Variants in EHD1 observed in about 807,000 individuals in gnomAD.
EHD1 encodes EH domain-containing protein 1.
Under a neutral mutation model 39.0 loss-of-function variants are expected in EHD1, and 19 were observed. The observed-to-expected ratio is 0.49, with a 90% CI of 0.34 to 0.72. The LOEUF (loss-of-function observed/expected upper bound fraction) is 0.72, where lower values mean the gene tolerates loss of function less well. Among genes scored for constraint, EHD1 ranks in the 30% least tolerant of loss-of-function variants. EHD1 has a pLI of 0.01. For synonymous variants in EHD1, 323 were observed against 331.2 expected (o/e 0.98, Z 0.27); for missense variants, 542 against 751.5 (o/e 0.72, Z 3.26).
chr11:64,855,765 C>A, intron 3 of EHD1: 1 of 450,924 alleles, frequency 2.2e-6, no homozygotes, highest in Non-Finnish European at 4.0e-6. Context: ...TTGCACGGAT[C>A]ATTGTGATGA....
At chr11:64,855,572 C>G (rs1260626582) in intron 3 of EHD1, 86 bp from the exon 4 acceptor site, 3 of 1,575,836 alleles carry the variant, frequency 1.9e-6, no homozygotes, top group South Asian at 2.3e-5. Flanking sequence ...CAAGGATACT[C>G]CAAGGTGCTC....
intron 2 of EHD1, among the ~76,000 whole-genome samples, chr11:64,861,045 G>T (rs1445779866): frequency 6.6e-6 from 1 of 151,600 alleles, no homozygotes; most frequent in East Asian, 1.9e-4. Context: ...AAATAGCCGG[G>T]TGTGGTGGCA....
chr11:64,878,919 T>C, upstream of EHD1: 1 of 1,023,330 alleles, frequency 9.8e-7, no homozygotes. Context: ...GGAGACGGCC[T>C]CTGGGCCGCG....
rs746917690 is a variant in EHD1, at chr11:64,860,244, C to T, written c.595G>A (p.Glu199Lys). 4.3e-6 allele frequency: 7 copies of T among 1,614,124 alleles called. No individual in the cohort carries two copies. The Admixed American group carries it at 1.2e-4, about 27-fold the overall frequency. ...AGAGCCTTGATCACTTCCGAGAACT[C>T]ATCGGAGATGTCCAGCTTGTGGGCG... ...FDAHKLDISDEFSEVIKALKN... is the reference protein window; with the variant it reads ...FDAHKLDISDKFSEVIKALKN... Residue 199 changes from glutamate to lysine, a missense_variant, in exon 3 of 5, where the codon GAG becomes AAG. Glu to Lys is a moderately conservative substitution (Grantham distance 56, BLOSUM62 1). Coordinates refer to ENST00000320631, the MANE Select transcript of EHD1 (RefSeq NM_006795.4).
chr11:64,876,563 A>G (rs1328537965), intron 1 of EHD1, among the ~76,000 whole-genome samples: 1 of 152,258 alleles, frequency 6.6e-6, no homozygotes, highest in Admixed American at 6.5e-5. Context: ...AGAAAGCAGT[A>G]ACTGGCTGTG....
Position 64,854,803 on chromosome 11 carries a change from G to A in EHD1, c.1135C>T (p.Leu379=), listed in dbSNP as rs1191778011. The A allele has an allele frequency of 6.2e-7, 1 of 1,603,140 alleles. No homozygotes were observed. The highest frequency in any genetic ancestry group is 2.2e-5 in the East Asian group (1 of 44,868). ...SKFQALKPKL[L]DTVDDMLAND... is the part of the protein sequence containing the mutation. ...GCCAGCATGTCATCCACCGTGTCCAGCAGCTTGGGCTTCAGCGCCTGGAAC... is the reference window on the plus strand; with the variant it reads ...GCCAGCATGTCATCCACCGTGTCCAACAGCTTGGGCTTCAGCGCCTGGAAC... The change falls in exon 5 of 5, where the codon CTG becomes TTG. Residue 379 remains leucine (L), a synonymous_variant. Transcript: ENST00000320631.
At chr11:64,870,043 T>A (rs1565722780) in intron 2 of EHD1, among the ~76,000 whole-genome samples, 1 of 152,122 alleles carries the variant, frequency 6.6e-6, no homozygotes, top group African/African-American at 2.4e-5. Flanking sequence ...GCCACCAGGC[T>A]CCCTGGAGAC....
Position 64,855,372 on chromosome 11 carries a change from G to T in EHD1, c.1030C>A (p.Arg344Ser). The change falls in exon 4 of 5, where the codon CGC becomes AGC. Residue 344 changes from arginine (R) to serine (S), a missense_variant. By Grantham distance (110) the Arg-to-Ser change is moderately radical. Coordinates refer to ENST00000320631, the MANE Select transcript of EHD1 (RefSeq NM_006795.4). ...TCCCCAGGGGAGATCTGGTGCTCGC[G>T]CTCAATCTTCTGGTAGATCTCTCCG... ...NLGEIYQKIEREHQISPGDFP... is the reference protein window; with the variant it reads ...NLGEIYQKIESEHQISPGDFP... The T allele has an allele frequency of 6.2e-7, 1 of 1,614,106 alleles. No individual in the cohort carries two copies. Among genetic ancestry groups the T allele is most frequent in the Non-Finnish European group, 8.5e-7 (1 of 1,180,004 alleles).
rs144898976 is a variant in EHD1, at chr11:64,868,331, C to T, written c.502+6090G>A. Among the ~76,000 whole-genome samples, 3 of 152,254 alleles carry T rather than the reference C, an allele frequency of 2.0e-5. No individual in the cohort carries two copies. The highest frequency in any genetic ancestry group is 4.4e-5 in the Non-Finnish European group (3 of 68,006). Reference sequence around the variant, plus strand: ...AGGGTTTTCCAGTGGAGCACAGAGGCGCCTCCGTTCCTCAGCATTTACCTG... The same window carrying T: ...AGGGTTTTCCAGTGGAGCACAGAGGTGCCTCCGTTCCTCAGCATTTACCTG... On this transcript the variant is annotated intron_variant, in intron 2 of 4. Coordinates refer to ENST00000320631, the MANE Select transcript of EHD1 (RefSeq NM_006795.4). The surrounding 1 kb of genome is among the most constrained non-coding windows in gnomAD (Gnocchi z 4.2).
intron 2 of EHD1, among the ~76,000 whole-genome samples, chr11:64,869,382 A>G (rs1288883829): frequency 6.6e-6 from 1 of 152,212 alleles, no homozygotes; most frequent in Non-Finnish European, 1.5e-5. Context: ...TGGAGCTGGG[A>G]GCAAAGGAGG....
upstream of EHD1, chr11:64,879,193 A>G (rs975112081): frequency 2.8e-6 from 3 of 1,059,650 alleles, no homozygotes; most frequent in Non-Finnish European, 3.4e-6. Flanking sequence ...AAGTGGTAGC[A>G]GAGCAAGCTG....
intron 1 of EHD1, among the ~76,000 whole-genome samples, chr11:64,875,424 G>A (rs1437796911): frequency 2.6e-5 from 4 of 152,280 alleles, no homozygotes; most frequent in East Asian, 3.9e-4. Flanking sequence ...GGTGGCACGC[G>A]CCTGTAGTCC....
In EHD1 at chr11:64,855,325, C is replaced by T. The variant is rs1943638304; in HGVS notation, c.1077G>A (p.Met359Ile). 6.2e-7 allele frequency: 1 copy of T among 1,613,772 alleles called. No individual in the cohort carries two copies. The highest frequency in any genetic ancestry group is 8.5e-7 in the Non-Finnish European group (1 of 1,179,962). Reference protein sequence around the residue: ...SPGDFPSLRKMQELLQTQDFS... With the variant: ...SPGDFPSLRKIQELLQTQDFS... ...TGGGGCCTCGGGACAGCCGTACCTGCATCTTGCGGAGGCTCGGGAAGTCCC... is the reference window on the plus strand; with the variant it reads ...TGGGGCCTCGGGACAGCCGTACCTGTATCTTGCGGAGGCTCGGGAAGTCCC... Residue 359 changes from methionine to isoleucine, a missense_variant, in exon 4 of 5, where the codon ATG becomes ATA. By Grantham distance (10) the Met-to-Ile change is conservative (BLOSUM62 1). Transcript: ENST00000320631.
intron 2 of EHD1, among the ~76,000 whole-genome samples, chr11:64,861,754 C>G (rs1201666389): frequency 6.6e-6 from 1 of 152,142 alleles, no homozygotes; most frequent in African/African-American, 2.4e-5. Flanking sequence ...ACTATCCCAC[C>G]CTTACAGAAA....
chr11:64,866,293 G>A (rs1377545870), intron 2 of EHD1, among the ~76,000 whole-genome samples: 2 of 152,076 alleles, frequency 1.3e-5, no homozygotes, highest in South Asian at 4.1e-4. Context: ...ACCAAATACC[G>A]CATGTTCTCA....
upstream of EHD1, chr11:64,879,246 A>G (rs1469380392): frequency 3.7e-6 from 4 of 1,095,796 alleles, no homozygotes; most frequent in Non-Finnish European, 4.5e-6. Context: ...TGGGGAAAGA[A>G]AAATGGGCAG....
Position 64,868,778 on chromosome 11 carries a change from A to G in EHD1, c.502+5643T>C, listed in dbSNP as rs1405709664. Among the ~76,000 whole-genome samples the G allele has an allele frequency of 6.6e-6, 1 of 152,188 alleles. No homozygotes were observed. The highest frequency in any genetic ancestry group is 1.5e-5 in the Non-Finnish European group (1 of 68,022). On this transcript the variant is annotated intron_variant, in intron 2 of 4. Coordinates refer to ENST00000320631, the MANE Select transcript of EHD1 (RefSeq NM_006795.4). This position sits in a 1 kb window ranked among gnomAD's most constrained non-coding sequence, Gnocchi z 4.2. ...CTGAGGAGGGTGGACTTCACTACACACAACGTAGACCCCAGCAAATCAGAC... is the reference window on the plus strand; with the variant it reads ...CTGAGGAGGGTGGACTTCACTACACGCAACGTAGACCCCAGCAAATCAGAC...
At chr11:64,864,936 G>C (rs1943752393) in intron 2 of EHD1, among the ~76,000 whole-genome samples, 1 of 152,182 alleles carries the variant, frequency 6.6e-6, no homozygotes, top group African/African-American at 2.4e-5. Context: ...AGAAAAAGGA[G>C]GGGAAGGAAG....
In EHD1 at chr11:64,855,383, T is replaced by G. The variant is rs775905162; in HGVS notation, c.1019A>C (p.Gln340Pro). 1 of 1,614,170 alleles carries G rather than the reference T, an allele frequency of 6.2e-7. No homozygotes were observed. The highest frequency in any genetic ancestry group is 1.1e-5 in the South Asian group (1 of 91,092). ...GATCTGGTGCTCGCGCTCAATCTTC[T>G]GGTAGATCTCTCCGAGGTTGTTCAC... ...ELVNNLGEIY[Q>P]KIEREHQISP... Residue 340 changes from glutamine (Q) to proline (P), a missense_variant, in exon 4 of 5, where the codon CAG becomes CCG. By Grantham distance (76) the Gln-to-Pro change is moderately conservative. Transcript: ENST00000320631.
Sources: gnomAD v4.1 joint callset for allele counts (sites outside exome capture counted in the v4.1 genomes callset) on GRCh38, gnomAD v4.1.1 for gene constraint, Gnocchi (gnomAD v3.1) non-coding constraint, MANE v1.5 for transcripts, NCBI Gene and HGNC (gene_info 2026-07-23, HGNC 2026-07-21) for gene names.